The following PODNL1 variants were observed in gnomAD, a reference collection of about 807,000 sequenced individuals.
PODNL1 encodes podocan-like protein 1.
PODNL1 carries 50 observed loss-of-function variants against 45.1 expected under a neutral mutation model. The ratio of observed to expected loss-of-function variants is 1.11; its 90% CI spans 0.88 to 1.40. The LOEUF is 1.40. Among genes scored for constraint, PODNL1 ranks in the 40% most tolerant of loss-of-function variants. PODNL1 has a pLI of 0.00. For synonymous variants in PODNL1, 406 were observed against 372.5 expected (o/e 1.09, Z -1.04); for missense variants, 788 against 793.3 (o/e 0.99, Z 0.08).
In PODNL1 at chr19:13,934,244, G is replaced by A; in HGVS notation, c.651+10C>T. On this transcript the variant is annotated intron_variant, in intron 6 of 9. Coordinates refer to ENST00000588872, the MANE Select transcript of PODNL1 (RefSeq NM_001370095.3). ...AGTCTGGCCCGGGGTGGGACCTACA[G>A]CAGGGCTACCTGCAGGTGGAGCCGC... 6.7e-7 allele frequency: 1 copy of A among 1,499,780 alleles called. No homozygotes were observed. Among genetic ancestry groups the A allele is most frequent in the Non-Finnish European group, 8.9e-7 (1 of 1,127,542 alleles). 92.9% of individuals were successfully genotyped at this position (1,499,780 alleles called of 1,614,324 possible).
rs1972082580 is a variant in PODNL1 at position 13,933,184 on chromosome 19, G to A, written c.1039C>T (p.Pro347Ser). 1 of 1,534,624 alleles carries A rather than the reference G, an allele frequency of 6.5e-7. No individual in the cohort carries two copies. The highest frequency in any genetic ancestry group is 1.2e-5 in the South Asian group (1 of 83,968). Residue 347 changes from proline to serine, a missense_variant, in exon 8 of 10, where the codon CCA becomes TCA. Transcript: ENST00000588872. The surrounding 1 kb of genome is among the most constrained non-coding windows in gnomAD (Gnocchi z 5.2). ...GCACGCAGGCGGCGGGGCAGGGCTG[G>A]AGGCACGCGGTCCAGCCCATTGCCA... The part of the protein sequence containing the change: ...LYGNGLDRVP[P>S]ALPRRLRALV...
Position 13,933,821 on chromosome 19 carries a change from G to A in PODNL1, c.767+57C>T. ...AGCCAGTCAGGGAAGGGGGACTGAA[G>A]GTTGGGACCCCCGACTGTAAATTCT... On this transcript the variant is annotated intron_variant, in intron 7 of 9. Coordinates refer to ENST00000588872, the MANE Select transcript of PODNL1 (RefSeq NM_001370095.3). The surrounding 1 kb of genome is among the most constrained non-coding windows in gnomAD (Gnocchi z 5.2). 6.9e-7 allele frequency: 1 copy of A among 1,455,094 alleles called. No homozygotes were observed. The highest frequency in any genetic ancestry group is 9.4e-7 in the Non-Finnish European group (1 of 1,060,950). 90.1% of individuals were successfully genotyped at this position (1,455,094 alleles called of 1,614,324 possible).
At chr19:13,953,201 AG>A in exon 1 of PODNL1, 1 of 1,442,938 alleles carries the variant, frequency 6.9e-7, no homozygotes, top group East Asian at 2.8e-5. Context: ...TTACCGAAGC[AG>A]GCTCTGTCTC....
upstream of PODNL1, among the ~76,000 whole-genome samples, chr19:13,939,629 G>C (rs755489352): frequency 4.6e-5 from 7 of 152,042 alleles, no homozygotes; most frequent in Non-Finnish European, 1.0e-4. Context: ...GCTCACACCT[G>C]TAATCCCAGC....
In PODNL1 at chr19:13,931,645, C is replaced by G; in HGVS notation, c.*92G>C. 1 of 1,208,976 alleles carries G rather than the reference C, an allele frequency of 8.3e-7. No individual in the cohort carries two copies. Among genetic ancestry groups the G allele is most frequent in the African/African-American group, 1.6e-5 (1 of 64,068 alleles). 74.9% of individuals were successfully genotyped at this position (1,208,976 alleles called of 1,614,324 possible). A position where few individuals can be genotyped will look rare whatever the true frequency, so the allele number is the denominator to read the frequency against. On this transcript the variant is annotated 3_prime_UTR_variant, in exon 10 of 10. Coordinates refer to ENST00000588872, the MANE Select transcript of PODNL1 (RefSeq NM_001370095.3). Reference sequence around the variant, plus strand: ...CCCAGCCCTGGAGGCCCAGGAGAGCCAGACCAAGGGCCCCTGGTGGGCGTT... The same window carrying G: ...CCCAGCCCTGGAGGCCCAGGAGAGCGAGACCAAGGGCCCCTGGTGGGCGTT...
rs1339511729 is a variant in PODNL1, at chr19:13,933,957, T to A, written c.688A>T (p.Ser230Cys). ...LISKVPRGALSRQTQLRELYL... is the reference protein window; with the variant it reads ...LISKVPRGALCRQTQLRELYL... ...AGCTCACGGAGTTGAGTCTGGCGGCTCAGGGCTCCTCGGGGCACCTTGGAG... is the reference window on the plus strand; with the variant it reads ...AGCTCACGGAGTTGAGTCTGGCGGCACAGGGCTCCTCGGGGCACCTTGGAG... The change falls in exon 7 of 10, where the codon AGC becomes TGC. Residue 230 changes from serine (S) to cysteine (C), a missense_variant. By Grantham distance (112) the Ser-to-Cys change is moderately radical. This residue lies in a region of PODNL1 where 762 missense variants were observed against 750.9 expected (regional missense o/e 1.01). Coordinates refer to ENST00000588872, the MANE Select transcript of PODNL1 (RefSeq NM_001370095.3). The surrounding 1 kb of genome is among the most constrained non-coding windows in gnomAD (Gnocchi z 5.2). The A allele has an allele frequency of 1.2e-6, 2 of 1,611,744 alleles. No homozygotes were observed. Among genetic ancestry groups the A allele is most frequent in the Non-Finnish European group, 1.7e-6 (2 of 1,179,020 alleles).
intron 4 of PODNL1, 51 bp downstream of exon 4, chr19:13,935,929 T>C (rs1439696712): frequency 1.3e-6 from 2 of 1,543,894 alleles, no homozygotes; most frequent in Non-Finnish European, 8.8e-7. Flanking sequence ...GCTGAGTGAC[T>C]GAAGCTGCAC....
intron 1 of PODNL1, among the ~76,000 whole-genome samples, chr19:13,947,966 C>T (rs1174772091): frequency 1.3e-5 from 2 of 152,064 alleles, no homozygotes; most frequent in African/African-American, 4.8e-5. Context: ...CTCAAGCGAT[C>T]CTCTCACCTC....
At chr19:13,934,495 T>G in intron 5 of PODNL1, 85 bp from the exon 6 acceptor site, 2 of 1,260,388 alleles carry the variant, frequency 1.6e-6, no homozygotes, top group Non-Finnish European at 2.1e-6. Context: ...CAGGGTCGCC[T>G]TCAGTGTGTG....
At chr19:13,953,209 T>A (rs2145482165) in exon 1 of PODNL1, 1 of 1,397,944 alleles carries the variant, frequency 7.2e-7, no homozygotes, top group Non-Finnish European at 9.6e-7. Context: ...GCAGGCTCTG[T>A]CTCCTCCATC....
upstream of PODNL1, among the ~76,000 whole-genome samples, chr19:13,940,979 G>A (rs570356115): frequency 6.6e-6 from 1 of 152,254 alleles, no homozygotes; most frequent in South Asian, 2.1e-4. Context: ...CCAGGAGGTT[G>A]AAGCTGCAGT....
At chr19:13,943,302 AG>A (rs111959339), upstream of PODNL1, among the ~76,000 whole-genome samples, 7,822 of 151,428 alleles carry the variant, frequency 0.052, 613 homozygotes, top group African/African-American at 0.17. Flanking sequence ...AAAAAAAAAA[AG>A]AAGAAAAAAG....
chr19:13,937,769 C>T lies in PODNL1; in HGVS notation c.225+16G>A, dbSNP rs767644774. ...TCTCAGCCCTGCATGCCCCCACTCCCCTCCGTGGGCCCCACCTGCAGGGAG... is the reference window on the plus strand; with the variant it reads ...TCTCAGCCCTGCATGCCCCCACTCCTCTCCGTGGGCCCCACCTGCAGGGAG... On this transcript the variant is annotated intron_variant, in intron 2 of 9. Coordinates refer to ENST00000588872, the MANE Select transcript of PODNL1 (RefSeq NM_001370095.3). 5 of 1,563,242 alleles carry T rather than the reference C, an allele frequency of 3.2e-6. No homozygotes were observed. The African/African-American group carries it at 5.4e-5, about 17-fold the overall frequency.
rs1167975915 is a variant in PODNL1 at position 13,933,095 on chromosome 19, G to T, written c.1128C>A (p.Gly376=). 9 of 1,529,828 alleles carry T rather than the reference G, an allele frequency of 5.9e-6. No homozygotes were observed. The East Asian group carries it at 7.3e-5, about 12-fold the overall frequency. The allele number at this position is 1,529,828 out of a possible 1,614,324, so 94.8% of individuals were successfully genotyped here. The change falls in exon 8 of 10, where the codon GGC becomes GGA. Residue 376 remains glycine, a synonymous_variant. Coordinates refer to ENST00000588872, the MANE Select transcript of PODNL1 (RefSeq NM_001370095.3). The surrounding 1 kb of genome is among the most constrained non-coding windows in gnomAD (Gnocchi z 5.2). Reference sequence around the variant, plus strand: ...TATAGGCCAGGTTAAGCTCCGTCAGGCCCGGTGTGGCGACCAGGTCACGGG... The same window carrying T: ...TATAGGCCAGGTTAAGCTCCGTCAGTCCCGGTGTGGCGACCAGGTCACGGG... The part of the protein sequence containing the change: ...LGARDLVATP[G]LTELNLAYNR...
At chr19:13,936,344 G>A (rs1293229135) in intron 3 of PODNL1, 23 bp downstream of exon 3, 2 of 1,593,124 alleles carry the variant, frequency 1.3e-6, no homozygotes, top group African/African-American at 2.7e-5. Flanking sequence ...CCCCAGAGAG[G>A]CCGCCTCCCT....
upstream of PODNL1, among the ~76,000 whole-genome samples, chr19:13,940,713 T>C (rs1362438712): frequency 6.6e-6 from 1 of 151,458 alleles, no homozygotes; most frequent in Non-Finnish European, 1.5e-5. Context: ...CGAAACCCTG[T>C]CTCTACTAAA....
rs75502685 is a variant in PODNL1, at chr19:13,931,860, G to A, written c.1602C>T (p.Ile534=). Residue 534 remains isoleucine, a synonymous_variant, in exon 10 of 10, where the codon ATC becomes ATT. Coordinates refer to ENST00000588872, the MANE Select transcript of PODNL1 (RefSeq NM_001370095.3). Reference sequence around the variant, plus strand: ...GGAGCCCCAGGAAGGCCTCAGCCGCGATGCTCGTCATGTGAAGCCTGTTGG... The same window carrying A: ...GGAGCCCCAGGAAGGCCTCAGCCGCAATGCTCGTCATGTGAAGCCTGTTGG... ...LRANRLHMTS[I]AAEAFLGLPN... The A allele has an allele frequency of 0.031, 37,828 of 1,231,960 alleles. 643 individuals are homozygous for A. The highest frequency in any genetic ancestry group is 0.034 in the Non-Finnish European group (34,063 of 987,928). The allele number at this position is 1,231,960 out of a possible 1,614,324, so 76.3% of individuals were successfully genotyped here. A position where few individuals can be genotyped will look rare whatever the true frequency, so the allele number is the denominator to read the frequency against.
chr19:13,946,353 C>T (rs1332199651), intron 1 of PODNL1, among the ~76,000 whole-genome samples: 1 of 151,842 alleles, frequency 6.6e-6, no homozygotes, highest in Non-Finnish European at 1.5e-5. Context: ...TTGCTTGAAC[C>T]TGGGAGGCAG....
chr19:13,949,953 C>A (rs1972945892), intron 1 of PODNL1, among the ~76,000 whole-genome samples: 1 of 151,022 alleles, frequency 6.6e-6, no homozygotes, highest in African/African-American at 2.4e-5. Context: ...CTCCACCTCC[C>A]AGGTTCAAGT....
Sources: gnomAD v4.1 joint callset for allele counts (sites outside exome capture counted in the v4.1 genomes callset) on GRCh38, gnomAD v4.1.1 for gene constraint, gnomAD v4.1.1 regional missense constraint, Gnocchi (gnomAD v3.1) non-coding constraint, MANE v1.5 for transcripts, NCBI Gene and HGNC (gene_info 2026-07-23, HGNC 2026-07-21) for gene names.